Variants in FAAH2 observed in about 807,000 individuals in gnomAD.
FAAH2 encodes the protein fatty-acid amide hydrolase 2.
In FAAH2, 60 loss-of-function variants were observed where a neutral mutation model predicts 36.9. The ratio of observed to expected loss-of-function variants is 1.63; its 90% CI spans 1.32 to 2.02. The LOEUF (loss-of-function observed/expected upper bound fraction) is 2.02, where lower values mean the gene tolerates loss of function less well. Among genes scored for constraint, FAAH2 ranks in the 30% most tolerant of loss-of-function variants. The probability of loss-of-function intolerance (pLI) is 0.00; values close to 1 mark genes in which losing one functional copy is unlikely to be tolerated. For missense variants in FAAH2, 689 were observed against 397.5 expected, an observed-to-expected ratio of 1.73 and a Z score of -6.23; for synonymous variants, 214 against 143.8, an observed-to-expected ratio of 1.49 and a Z score of -3.49.
At chrX:57,203,625 A>G in the FAAH2 span, among the ~76,000 whole-genome samples, 1 of 111,864 alleles carries the variant, frequency 8.9e-6, no homozygotes, top group African/African-American at 3.3e-5. Flanking sequence ...AGACCACACA[A>G]AGACAAACAA....
chrX:57,364,624 A>T (rs1417854979), intron 5 of FAAH2, among the ~76,000 whole-genome samples: 2 of 109,178 alleles, frequency 1.8e-5, no homozygotes, highest in African/African-American at 3.3e-5. Context: ...TTGCTTGTCT[A>T]GTTCCACCAG....
intron 7 of FAAH2, among the ~76,000 whole-genome samples, chrX:57,384,897 T>C (rs1249201966): frequency 7.2e-5 from 8 of 111,202 alleles, no homozygotes; most frequent in African/African-American, 1.3e-4. Context: ...CCAACAATGA[T>C]AGACTGGATT....
the FAAH2 span, among the ~76,000 whole-genome samples, chrX:57,279,389 G>T: frequency 4.8e-4 from 54 of 112,183 alleles, no homozygotes; most frequent in African/African-American, 1.7e-3. Context: ...ACTCATAAGT[G>T]GGAGTTGAAC....
chrX:57,188,534 G>T, the FAAH2 span, among the ~76,000 whole-genome samples: 3 of 109,779 alleles, frequency 2.7e-5, no homozygotes, highest in Non-Finnish European at 5.7e-5. Flanking sequence ...TTTTTGAAAG[G>T]TGTTTCGTGT....
chrX:57,426,551 C>A (rs999634100), intron 7 of FAAH2, among the ~76,000 whole-genome samples: 3 of 111,609 alleles, frequency 2.7e-5, no homozygotes, highest in East Asian at 2.8e-4. Flanking sequence ...TAAAAAATAT[C>A]TTTTCAGACC....
chrX:57,129,225 AT>A, the FAAH2 span, among the ~76,000 whole-genome samples: 1 of 111,211 alleles, frequency 9.0e-6, no homozygotes, highest in East Asian at 2.8e-4. Flanking sequence ...CTTTATAAGG[AT>A]TTTTTTCTTT....
intron 10 of FAAH2, among the ~76,000 whole-genome samples, chrX:57,453,866 T>C (rs2056825421): frequency 8.9e-6 from 1 of 112,139 alleles, no homozygotes; most frequent in Non-Finnish European, 1.9e-5. Flanking sequence ...ATACCCAGGT[T>C]CATGGGCTGG....
chrX:57,303,170 G>T (rs1191464998), intron 2 of FAAH2, among the ~76,000 whole-genome samples: 1 of 111,586 alleles, frequency 9.0e-6, no homozygotes, highest in East Asian at 2.8e-4. Flanking sequence ...TGCCCCACCT[G>T]GTTGGGAAAC....
chrX:57,256,373 T>A, the FAAH2 span, among the ~76,000 whole-genome samples: 1 of 111,647 alleles, frequency 9.0e-6, no homozygotes, highest in Non-Finnish European at 1.9e-5. Flanking sequence ...TTCAGTGCTA[T>A]CCCCATCAAG....
intron 2 of FAAH2, among the ~76,000 whole-genome samples, chrX:57,299,108 G>A (rs2052244862): frequency 9.0e-6 from 1 of 111,472 alleles, no homozygotes; most frequent in Non-Finnish European, 1.9e-5. Context: ...ATTTTATGAG[G>A]CCAGCATCAT....
At chrX:57,251,923 G>T in the FAAH2 span, among the ~76,000 whole-genome samples, 1 of 111,849 alleles carries the variant, frequency 8.9e-6, no homozygotes, top group East Asian at 2.8e-4. Flanking sequence ...AAGTGCAAGG[G>T]GTCAGGGGAT....
the FAAH2 span, among the ~76,000 whole-genome samples, chrX:57,255,530 A>G: frequency 8.9e-6 from 1 of 112,112 alleles, no homozygotes; most frequent in Admixed American, 9.5e-5. Flanking sequence ...TCCTCAATAA[A>G]ATACTGGCAA....
intron 7 of FAAH2, among the ~76,000 whole-genome samples, chrX:57,404,298 C>T (rs1271981071): frequency 8.9e-6 from 1 of 112,378 alleles, no homozygotes; most frequent in Non-Finnish European, 1.9e-5. Flanking sequence ...TTTACTACTT[C>T]TATCTTTCTC....
At chrX:57,300,180 G>A (rs2052302612) in intron 2 of FAAH2, among the ~76,000 whole-genome samples, 1 of 111,468 alleles carries the variant, frequency 9.0e-6, no homozygotes, top group African/African-American at 3.3e-5. Context: ...CAAAGCTGGA[G>A]GCATCACGCT....
At chrX:57,477,851 G>T (rs1295704723) in intron 10 of FAAH2, among the ~76,000 whole-genome samples, 1 of 111,762 alleles carries the variant, frequency 8.9e-6, no homozygotes, top group African/African-American at 3.2e-5. Flanking sequence ...GTATTCCATG[G>T]TGTATGTGTG....
rs6612803 is a variant in FAAH2 at position 57,417,834 on chromosome X, G to A, written c.997-14084G>A. ...GTCTGCTGAAGCTGGGCCCACAGCC[G>A]CCCCTTCCCCCAGGTTCTCTATCTC... On this transcript the variant is annotated intron_variant, in intron 7 of 10. Coordinates refer to ENST00000374900, the MANE Select transcript of FAAH2 (RefSeq NM_174912.4). Among the ~76,000 whole-genome samples, 3,817 of 111,713 alleles carry A rather than the reference G, an allele frequency of 0.034. 453 individuals are homozygous for A. The East Asian group carries it at 0.57, about 17-fold the overall frequency.
chrX:57,415,359 T>C (rs1000911624), intron 7 of FAAH2, among the ~76,000 whole-genome samples: 1 of 111,856 alleles, frequency 8.9e-6, no homozygotes, highest in Non-Finnish European at 1.9e-5. Flanking sequence ...CCTTTGGGCA[T>C]TTAGTGCTAT....
chrX:57,482,803 A>T lies in FAAH2; in HGVS notation c.1424-5954A>T, dbSNP rs1315229602. ...GGCAGGATATAAAATTTTTGGCTGC[A>T]GGTTTTTATTTTTTAAAGGAGTTAA... On this transcript the variant is annotated intron_variant, in intron 10 of 10. Transcript: ENST00000374900. 1.3e-4 allele frequency among the ~76,000 whole-genome samples: 13 copies of T among 100,479 alleles called. No individual in the cohort carries two copies. The Admixed American group carries it at 1.5e-3, about 11-fold the overall frequency. 87.3% of individuals were successfully genotyped at this position (100,479 alleles called of 115,157 possible).
chrX:57,474,557 C>T (rs1431994392), intron 10 of FAAH2, among the ~76,000 whole-genome samples: 1 of 111,980 alleles, frequency 8.9e-6, no homozygotes, highest in Non-Finnish European at 1.9e-5. Context: ...TTTATGGCTG[C>T]ATAGTATTCC....
Sources: gnomAD v4.1 joint callset for allele counts (sites outside exome capture counted in the v4.1 genomes callset) on GRCh38, gnomAD v4.1.1 for gene constraint, MANE v1.5 for transcripts, NCBI Gene and HGNC (gene_info 2026-07-23, HGNC 2026-07-21) for gene names.